The following CAMTA1 variants were observed in gnomAD, a reference collection of about 807,000 sequenced individuals.
CAMTA1 encodes the protein calmodulin-binding transcription activator 1.
Under a neutral mutation model 170.9 loss-of-function variants are expected in CAMTA1, and 27 were observed. The observed-to-expected ratio is 0.16, with a 90% CI of 0.12 to 0.22. The LOEUF is 0.22. Among genes scored for constraint, CAMTA1 ranks in the 10% least tolerant of loss-of-function variants. CAMTA1 has a pLI of 1.00. For missense variants in CAMTA1, 1,619 were observed against 2,217.2 expected (o/e 0.73, Z 5.42); for synonymous variants, 833 against 891.5 (o/e 0.93, Z 1.17).
At chr1:7,223,140 T>C (rs1661100952) in intron 4 of CAMTA1, among the ~76,000 whole-genome samples, 1 of 150,492 alleles carries the variant, frequency 6.6e-6, no homozygotes, top group African/African-American at 2.5e-5. Context: ...TTTACTTACC[T>C]GTTGATCCAC....
intron 11 of CAMTA1, among the ~76,000 whole-genome samples, chr1:7,713,491 T>A (rs1274225141): frequency 6.6e-6 from 1 of 151,630 alleles, no homozygotes. Context: ...ACACCTACTA[T>A]TGGCGATTAT....
At chr1:7,734,976 T>A (rs2096760405) in intron 12 of CAMTA1, among the ~76,000 whole-genome samples, 1 of 152,230 alleles carries the variant, frequency 6.6e-6, no homozygotes, top group Non-Finnish European at 1.5e-5. Context: ...TTCATTTTAT[T>A]TTTCTTCCAT....
At chr1:7,314,911 A>G (rs1677258483) in intron 5 of CAMTA1, among the ~76,000 whole-genome samples, 1 of 152,192 alleles carries the variant, frequency 6.6e-6, no homozygotes, top group African/African-American at 2.4e-5. Flanking sequence ...CCAAGTCCCA[A>G]AGAGATTACA....
chr1:7,436,778 C>T (rs1393129728), intron 5 of CAMTA1, among the ~76,000 whole-genome samples: 3 of 152,176 alleles, frequency 2.0e-5, no homozygotes, highest in South Asian at 2.1e-4. Flanking sequence ...ACCCTGGGAA[C>T]GGCAGTGGGG....
At chr1:6,978,682 TTATAGA>T (rs888676686) in intron 3 of CAMTA1, among the ~76,000 whole-genome samples, 2 of 149,530 alleles carry the variant, frequency 1.3e-5, no homozygotes, top group African/African-American at 4.9e-5. Flanking sequence ...ATTTTATATA[TTATAGA>T]TATATATATA....
At chr1:7,008,560 A>G (rs1699338051) in intron 3 of CAMTA1, 1 of 152,194 alleles carries the variant, frequency 6.6e-6, no homozygotes, top group Non-Finnish European at 1.5e-5. Flanking sequence ...CACCCTCCAC[A>G]GAGCACCGTG....
At chr1:7,539,261 G>A (rs964516617) in intron 6 of CAMTA1, among the ~76,000 whole-genome samples, 1 of 152,228 alleles carries the variant, frequency 6.6e-6, no homozygotes, top group Non-Finnish European at 1.5e-5. Context: ...CACAGCCTTG[G>A]GGGACAGGAC....
At chr1:6,819,079 G>A (rs1015776912) in intron 1 of CAMTA1, among the ~76,000 whole-genome samples, 1 of 151,996 alleles carries the variant, frequency 6.6e-6, no homozygotes, top group Non-Finnish European at 1.5e-5. Context: ...ACAGCCTCCT[G>A]AGTAGCTGAG....
Position 7,595,212 on chromosome 1 carries a change from G to A in CAMTA1, c.511-45188G>A, listed in dbSNP as rs144950720. ...GATCATCATATTGATCCAAAAGAGC[G>A]CCTGTGTCTCAGATCAAATGTGATC... is the stretch of plus-strand genomic sequence containing the variant. On this transcript the variant is annotated intron_variant, in intron 6 of 22. Transcript: ENST00000303635. Among the ~76,000 whole-genome samples the A allele has an allele frequency of 2.5e-3, 384 of 152,284 alleles. 2 individuals are homozygous for A. The highest frequency in any genetic ancestry group is 4.4e-3 in the Non-Finnish European group (300 of 68,020).
chr1:7,415,957 G>A (rs964549542), intron 5 of CAMTA1, among the ~76,000 whole-genome samples: 89 of 152,202 alleles, frequency 5.8e-4, no homozygotes, highest in Non-Finnish European at 7.8e-4. Flanking sequence ...CAGGCCTGGC[G>A]GTGACAAAAT....
intron 1 of CAMTA1, among the ~76,000 whole-genome samples, chr1:6,787,407 GT>G (rs929821918): frequency 8.5e-5 from 13 of 152,144 alleles, no homozygotes; most frequent in Non-Finnish European, 5.9e-5. Context: ...AATGCTTTCT[GT>G]TTTTTGCTGT....
chr1:7,759,745 A>G (rs2096960696), intron 22 of CAMTA1, among the ~76,000 whole-genome samples: 1 of 152,250 alleles, frequency 6.6e-6, no homozygotes, highest in Admixed American at 6.5e-5. Context: ...AGAAAAACCA[A>G]GATACCTCAT....
At chr1:7,638,166 G>A (rs763113700) in intron 6 of CAMTA1, among the ~76,000 whole-genome samples, 13 of 152,158 alleles carry the variant, frequency 8.5e-5, no homozygotes, top group Non-Finnish European at 1.2e-4. Flanking sequence ...CTCCTGCCTG[G>A]GGTCCTGCCT....
chr1:6,815,563 C>A (rs997637111), intron 1 of CAMTA1, among the ~76,000 whole-genome samples: 22 of 152,120 alleles, frequency 1.4e-4, no homozygotes, highest in Admixed American at 5.9e-4. Flanking sequence ...CCTAGAGTTT[C>A]TACTAATTAT....
rs186663315 is a variant in CAMTA1 at position 6,816,253 on chromosome 1, A to C, written c.46-3928A>C. Among the ~76,000 whole-genome samples, 294 of 152,316 alleles carry C rather than the reference A, an allele frequency of 1.9e-3. 1 individual carries two copies. Among genetic ancestry groups the C allele is most frequent in the African/African-American group, 6.6e-3 (275 of 41,574 alleles). ...AACATCCTATCAAATTTTTACAGTA[A>C]TGCATCACTCCATTTCATTTCCTTT... On this transcript the variant is annotated intron_variant, in intron 1 of 22. Transcript: ENST00000303635.
intron 11 of CAMTA1, among the ~76,000 whole-genome samples, chr1:7,697,905 A>G (rs915773111): frequency 6.6e-6 from 1 of 152,166 alleles, no homozygotes; most frequent in African/African-American, 2.4e-5. Context: ...GCCAACCCAA[A>G]GCTGAATGGC....
chr1:7,400,331 T>A (rs939971354), intron 5 of CAMTA1, among the ~76,000 whole-genome samples: 2 of 152,212 alleles, frequency 1.3e-5, no homozygotes, highest in African/African-American at 4.8e-5. Context: ...GTTCTTTTTT[T>A]ATATACATCT....
intron 5 of CAMTA1, among the ~76,000 whole-genome samples, chr1:7,323,834 G>A (rs1016046009): frequency 1.3e-5 from 2 of 152,116 alleles, no homozygotes; most frequent in African/African-American, 4.8e-5. Context: ...GTTGAATGAA[G>A]GAAGGACACA....
chr1:7,714,645 C>T (rs2149704060), intron 11 of CAMTA1, among the ~76,000 whole-genome samples: 1 of 152,190 alleles, frequency 6.6e-6, no homozygotes, highest in South Asian at 2.1e-4. Flanking sequence ...CCTCAGCCTC[C>T]CGAGTAGCTG....
Sources: gnomAD v4.1 joint callset for allele counts (sites outside exome capture counted in the v4.1 genomes callset) on GRCh38, gnomAD v4.1.1 for gene constraint, MANE v1.5 for transcripts, NCBI Gene and HGNC (gene_info 2026-07-23, HGNC 2026-07-21) for gene names.